UNC13C: variants seen among roughly 807,000 people sequenced by gnomAD.
UNC13C encodes unc-13 homolog C.
A neutral mutation model predicts 245.4 loss-of-function variants in UNC13C; 174 were observed. The ratio of observed to expected loss-of-function variants is 0.71; its 90% confidence interval spans 0.63 to 0.80. The LOEUF (loss-of-function observed/expected upper bound fraction) is 0.80. Among genes scored for constraint, UNC13C ranks in the 30% least tolerant of loss-of-function variants. The pLI, the probability that UNC13C is intolerant of heterozygous loss-of-function variation, is 0.00. For synonymous variants in UNC13C, 992 were observed against 895.1 expected (o/e 1.11, Z -1.93); for missense variants, 2,829 against 2,602.9 (o/e 1.09, Z -1.89).
intron 1 of UNC13C, among the ~76,000 whole-genome samples, chr15:54,011,510 C>G (rs1895379434): frequency 1.3e-5 from 2 of 152,184 alleles, no homozygotes; most frequent in Admixed American, 1.3e-4. Flanking sequence ...TGCAGCTTAA[C>G]TTTCCAAAGC....
intron 30 of UNC13C, among the ~76,000 whole-genome samples, chr15:54,599,641 C>A (rs1899294366): frequency 6.6e-6 from 1 of 152,050 alleles, no homozygotes; most frequent in Admixed American, 6.6e-5. Context: ...GTTCCAACTA[C>A]CCGAAACACA....
Position 54,393,170 on chromosome 15 carries a change from T to C in UNC13C, c.4836T>C (p.Pro1612=), listed in dbSNP as rs375966342. Residue 1612 remains proline, a synonymous_variant, in exon 18 of 33, where the codon CCT becomes CCC. Coordinates refer to ENST00000260323, the MANE Select transcript of UNC13C (RefSeq NM_001080534.3). ...IIDEDKTAYT[P]VLNQFPQELN... is the part of the protein sequence containing the mutation. ...ATGAGGATAAAACTGCCTACACACC[T>C]GTCCTGAATCAGTAAGTACAATGTT... The C allele has an allele frequency of 3.2e-6, 5 of 1,586,418 alleles. No individual in the cohort carries two copies. The African/African-American group carries it at 6.8e-5, about 22-fold the overall frequency.
At chr15:54,106,511 C>T (rs909557241) in intron 2 of UNC13C, among the ~76,000 whole-genome samples, 3 of 152,200 alleles carry the variant, frequency 2.0e-5, no homozygotes, top group Non-Finnish European at 2.9e-5. Context: ...TTCTCAGTAA[C>T]ACTTAAGTAT....
At chr15:54,297,501 C>T (rs2037466816) in intron 11 of UNC13C, among the ~76,000 whole-genome samples, 2 of 150,460 alleles carry the variant, frequency 1.3e-5, no homozygotes, top group South Asian at 4.3e-4. Context: ...TGCAGGCAAG[C>T]ACCAACACAC....
At position 54,044,376 on chromosome 15, in the gene UNC13C, C is replaced by T. The variant is rs75055377; in HGVS notation, c.2983+28490C>T. Reference sequence around the variant, plus strand: ...TTCCACTTTTTGGCTATTGTGAATGCGGCTATGAATATTTGTGTACAGGTT... The same window carrying T: ...TTCCACTTTTTGGCTATTGTGAATGTGGCTATGAATATTTGTGTACAGGTT... On this transcript the variant is annotated intron_variant, in intron 2 of 32. Coordinates refer to ENST00000260323, the MANE Select transcript of UNC13C (RefSeq NM_001080534.3). The T allele has an allele frequency of 6.5e-4, 170 of 261,344 alleles. 1 individual carries two copies. The East Asian group carries it at 0.013, about 19-fold the overall frequency. The allele number at this position is 261,344 out of a possible 1,614,324, so 16.2% of individuals were successfully genotyped here.
At chr15:54,372,310 A>G (rs2039503943) in intron 17 of UNC13C, among the ~76,000 whole-genome samples, 1 of 152,108 alleles carries the variant, frequency 6.6e-6, no homozygotes, top group Non-Finnish European at 1.5e-5. Flanking sequence ...TCTATTAGTA[A>G]TAGAAAACAT....
At position 54,500,823 on chromosome 15, in the gene UNC13C, C is replaced by T. The variant is rs1894176027; in HGVS notation, c.5158-12C>T. The T allele has an allele frequency of 8.7e-6, 14 of 1,611,704 alleles. No individual in the cohort carries two copies. Among genetic ancestry groups the T allele is most frequent in the Non-Finnish European group, 1.2e-5 (14 of 1,178,680 alleles). On this transcript the variant is annotated splice_polypyrimidine_tract_variant and intron_variant, in intron 21 of 32. Coordinates refer to ENST00000260323, the MANE Select transcript of UNC13C (RefSeq NM_001080534.3). Reference sequence around the variant, plus strand: ...GTACTGTTTGGGATGGTTTCACCTCCTCTCCCCACAGTTCCAGCAGACATC... The same window carrying T: ...GTACTGTTTGGGATGGTTTCACCTCTTCTCCCCACAGTTCCAGCAGACATC...
At chr15:54,039,391 A>G (rs1474525319) in intron 2 of UNC13C, among the ~76,000 whole-genome samples, 1 of 152,208 alleles carries the variant, frequency 6.6e-6, no homozygotes, top group African/African-American at 2.4e-5. Flanking sequence ...GCAGGGCGAC[A>G]ATGAAACAGA....
intron 22 of UNC13C, among the ~76,000 whole-genome samples, chr15:54,504,061 C>A (rs1312695623): frequency 3.9e-5 from 6 of 152,098 alleles, no homozygotes; most frequent in Non-Finnish European, 5.9e-5. Context: ...CATTCAGAAG[C>A]TATGATGAGT....
intron 2 of UNC13C, among the ~76,000 whole-genome samples, chr15:54,087,656 C>T (rs1899318117): frequency 6.6e-6 from 1 of 152,022 alleles, no homozygotes; most frequent in Non-Finnish European, 1.5e-5. Context: ...AAAACTACTC[C>T]AGTTACCACT....
In UNC13C at chr15:54,628,093, A is replaced by G. The variant is rs188240453; in HGVS notation, c.*980A>G. The G allele has an allele frequency of 6.6e-6, 1 of 152,264 alleles. No homozygotes were observed. Among genetic ancestry groups the G allele is most frequent in the East Asian group, 1.9e-4 (1 of 5,180 alleles). 9.4% of individuals were successfully genotyped at this position (152,264 alleles called of 1,614,324 possible). On this transcript the variant is annotated 3_prime_UTR_variant, in exon 33 of 33. Transcript: ENST00000260323. Reference sequence around the variant, plus strand: ...ACTTAGTGAAAAAATAGTAAAATTAAGTCGGAAGAAATTGCTTAAAATTTT... The same window carrying G: ...ACTTAGTGAAAAAATAGTAAAATTAGGTCGGAAGAAATTGCTTAAAATTTT...
chr15:54,415,461 A>C (rs2040499578), intron 19 of UNC13C, among the ~76,000 whole-genome samples: 2 of 152,154 alleles, frequency 1.3e-5, no homozygotes, highest in South Asian at 2.1e-4. Flanking sequence ...AATCCTACCA[A>C]GTTTGCTCAA....
At chr15:54,210,203 A>G (rs1043451524) in intron 4 of UNC13C, among the ~76,000 whole-genome samples, 2 of 141,868 alleles carry the variant, frequency 1.4e-5, no homozygotes, top group East Asian at 2.1e-4. Flanking sequence ...AACTTACTAT[A>G]TATAAAATAT....
intron 19 of UNC13C, among the ~76,000 whole-genome samples, chr15:54,469,961 T>C (rs1200322875): frequency 6.6e-6 from 1 of 151,718 alleles, no homozygotes; most frequent in African/African-American, 2.4e-5. Context: ...TGGTATGTTT[T>C]ATCATAAAGT....
intron 31 of UNC13C, 81 bp from the exon 32 acceptor site, chr15:54,623,714 G>C (rs1943384703): frequency 7.7e-7 from 1 of 1,298,824 alleles, no homozygotes; most frequent in Non-Finnish European, 1.1e-6. Context: ...ATTAAGTTTT[G>C]GCTTCATAAA....
At chr15:54,480,622 A>G (rs2141062004) in intron 19 of UNC13C, among the ~76,000 whole-genome samples, 1 of 151,944 alleles carries the variant, frequency 6.6e-6, no homozygotes, top group African/African-American at 2.4e-5. Context: ...TGAATTTTCT[A>G]ATTCATTCGT....
chr15:54,269,914 AT>A (rs1352112416), intron 10 of UNC13C, among the ~76,000 whole-genome samples: 1 of 152,226 alleles, frequency 6.6e-6, no homozygotes, highest in African/African-American at 2.4e-5. Context: ...CATGAACTAT[AT>A]ATAAGTACAT....
At chr15:54,156,000 T>A (rs925754031) in intron 4 of UNC13C, among the ~76,000 whole-genome samples, 49 of 152,334 alleles carry the variant, frequency 3.2e-4, no homozygotes, top group African/African-American at 1.1e-3. Flanking sequence ...ATACTAAATA[T>A]ATTAACCTTT....
intron 2 of UNC13C, among the ~76,000 whole-genome samples, chr15:54,116,252 A>T (rs984637396): frequency 6.6e-6 from 1 of 152,064 alleles, no homozygotes; most frequent in African/African-American, 2.4e-5. Flanking sequence ...CATCTTAATT[A>T]TTTGTCTTTT....
Sources: gnomAD v4.1 joint callset for allele counts (sites outside exome capture counted in the v4.1 genomes callset) on GRCh38, gnomAD v4.1.1 for gene constraint, MANE v1.5 for transcripts, NCBI Gene and HGNC (gene_info 2026-07-23, HGNC 2026-07-21) for gene names.